Variants in SCYL2 observed in about 807,000 individuals in gnomAD.
SCYL2 encodes the protein SCY1-like protein 2.
In SCYL2, 36 loss-of-function variants were observed where a neutral mutation model predicts 100.4. The observed-to-expected ratio is 0.36, with a 90% CI of 0.27 to 0.47. The LOEUF is 0.47. Among genes scored for constraint, SCYL2 ranks in the 20% least tolerant of loss-of-function variants. The probability of loss-of-function intolerance (pLI) is 1.00; values close to 1 mark genes in which losing one functional copy is unlikely to be tolerated. For synonymous variants in SCYL2, 330 were observed against 359.2 expected (o/e 0.92, Z 0.92); for missense variants, 902 against 1,083.9 (o/e 0.83, Z 2.36).
chr12:100,287,651 A>G (rs1008104244), intron 2 of SCYL2, among the ~76,000 whole-genome samples: 5 of 152,300 alleles, frequency 3.3e-5, no homozygotes, highest in Admixed American at 3.3e-4. Context: ...GAATAAATAA[A>G]TAATAGGATA....
chr12:100,335,938 T>A, intron 16 of SCYL2, 32 bp downstream of exon 16: 1 of 1,519,824 alleles, frequency 6.6e-7, no homozygotes, highest in Non-Finnish European at 9.1e-7. Flanking sequence ...TCAGCCCTCT[T>A]ATTTTATGCT....
intron 17 of SCYL2, among the ~76,000 whole-genome samples, chr12:100,337,822 C>A (rs1717006037): frequency 6.6e-6 from 1 of 152,172 alleles, no homozygotes; most frequent in Admixed American, 6.5e-5. Context: ...TATTCATGCT[C>A]TTAACATATT....
intron 9 of SCYL2, among the ~76,000 whole-genome samples, chr12:100,316,879 AT>A (rs1354070762): frequency 2.0e-5 from 3 of 152,180 alleles, no homozygotes; most frequent in African/African-American, 4.8e-5. Flanking sequence ...AAGCAGGCAG[AT>A]TGCTTGAGCC....
At chr12:100,314,681 A>C in intron 8 of SCYL2, 67 bp downstream of exon 8, 2 of 1,366,914 alleles carry the variant, frequency 1.5e-6, no homozygotes, top group South Asian at 1.3e-5. Flanking sequence ...TTGACTTACT[A>C]CCATAACTCT....
chr12:100,289,355 G>A (rs2096307939), intron 2 of SCYL2, among the ~76,000 whole-genome samples: 1 of 152,116 alleles, frequency 6.6e-6, no homozygotes. Flanking sequence ...TAGTCCTGTG[G>A]ACTAACTGTT....
At chr12:100,330,786 A>G (rs181144454) in intron 13 of SCYL2, among the ~76,000 whole-genome samples, 3 of 151,678 alleles carry the variant, frequency 2.0e-5, no homozygotes, top group Admixed American at 2.0e-4. Flanking sequence ...TTGAAGTAAT[A>G]GGGTAAGCCT....
At chr12:100,293,563 G>A (rs1221929672) in intron 3 of SCYL2, among the ~76,000 whole-genome samples, 1 of 151,138 alleles carries the variant, frequency 6.6e-6, no homozygotes, top group Non-Finnish European at 1.5e-5. Context: ...TCATTCTTGG[G>A]TGTTTCTCAC....
chr12:100,313,411 C>G lies in SCYL2; in HGVS notation c.853-11C>G. On this transcript the variant is annotated splice_polypyrimidine_tract_variant and intron_variant, in intron 6 of 17. Transcript: ENST00000360820. Reference sequence around the variant, plus strand: ...TTTATACTCATTTAATGTTATCACTCTTTTGAATAGTTGAGTCGTTTAGGA... The same window carrying G: ...TTTATACTCATTTAATGTTATCACTGTTTTGAATAGTTGAGTCGTTTAGGA... 1.5e-6 allele frequency: 2 copies of G among 1,314,718 alleles called. No individual in the cohort carries two copies. The highest frequency in any genetic ancestry group is 2.2e-6 in the Non-Finnish European group (2 of 917,074). The allele number at this position is 1,314,718 out of a possible 1,614,324, so 81.4% of individuals were successfully genotyped here.
intron 4 of SCYL2, 104 bp downstream of exon 4, chr12:100,298,279 G>C: frequency 1.2e-6 from 1 of 837,518 alleles, no homozygotes; most frequent in Non-Finnish European, 1.7e-6. Context: ...GTAAACTTTT[G>C]GTTCTTGTTA....
At chr12:100,309,958 C>T (rs78183088) in intron 4 of SCYL2, among the ~76,000 whole-genome samples, 7 of 152,110 alleles carry the variant, frequency 4.6e-5, no homozygotes, top group Non-Finnish European at 7.4e-5. Flanking sequence ...TTAATTATCC[C>T]ATGGTATGTA....
Position 100,338,714 on chromosome 12 carries a change from G to T in SCYL2, c.2332G>T (p.Gly778Cys), listed in dbSNP as rs1435137619. 6.2e-7 allele frequency: 1 copy of T among 1,613,946 alleles called. No individual in the cohort carries two copies. Among genetic ancestry groups the T allele is most frequent in the Non-Finnish European group, 8.5e-7 (1 of 1,179,966 alleles). Residue 778 changes from glycine to cysteine, a missense_variant, in exon 18 of 18, where the codon GGC (glycine) becomes TGC (cysteine). Coordinates refer to ENST00000360820, the MANE Select transcript of SCYL2 (RefSeq NM_017988.6). ...NLTNGLNANM[G>C]FQTSGFNMPV... Reference sequence around the variant, plus strand: ...GACAAATGGCCTAAATGCCAATATGGGCTTTCAGACTTCAGGATTCAACAT... The same window carrying T: ...GACAAATGGCCTAAATGCCAATATGTGCTTTCAGACTTCAGGATTCAACAT...
At chr12:100,328,588 A>G (rs1279617219) in intron 12 of SCYL2, among the ~76,000 whole-genome samples, 1 of 152,244 alleles carries the variant, frequency 6.6e-6, no homozygotes. Flanking sequence ...CAAAACACTT[A>G]GAACTCAAAA....
At position 100,334,250 on chromosome 12, in the gene SCYL2, A is replaced by G. The variant is rs1469022906; in HGVS notation, c.1846A>G (p.Met616Val). Reference sequence around the variant, plus strand: ...GACTAAACTGGAGCAACTTCATATAATGCAAGAACAGCAGAAGTAAGTAGG... The same window carrying G: ...GACTAAACTGGAGCAACTTCATATAGTGCAAGAACAGCAGAAGTAAGTAGG... ...HKTKLEQLHIMQEQQKSLDIG... is the reference protein window; with the variant it reads ...HKTKLEQLHIVQEQQKSLDIG... The change falls in exon 14 of 18, where the codon ATG becomes GTG. Residue 616 changes from methionine (M) to valine (V), a missense_variant. Coordinates refer to ENST00000360820, the MANE Select transcript of SCYL2 (RefSeq NM_017988.6). 1.3e-6 allele frequency: 2 copies of G among 1,583,406 alleles called. No individual in the cohort carries two copies. The highest frequency in any genetic ancestry group is 2.2e-5 in the South Asian group (2 of 90,526).
At chr12:100,298,254 G>A in intron 4 of SCYL2, 79 bp downstream of exon 4, 1 of 1,037,982 alleles carries the variant, frequency 9.6e-7, no homozygotes. Flanking sequence ...TATTAACCAT[G>A]TAAAACTATT....
chr12:100,320,257 A>G (rs2096354094), intron 10 of SCYL2, among the ~76,000 whole-genome samples: 1 of 152,076 alleles, frequency 6.6e-6, no homozygotes. Flanking sequence ...TAAGTTCCTC[A>G]TCCCGGGCTG....
At chr12:100,302,886 A>T (rs577269190) in intron 4 of SCYL2, among the ~76,000 whole-genome samples, 51 of 152,154 alleles carry the variant, frequency 3.4e-4, no homozygotes, top group Non-Finnish European at 6.2e-4. Context: ...CTTCAGGTAC[A>T]CCAGTCAAAC....
intron 2 of SCYL2, among the ~76,000 whole-genome samples, chr12:100,284,372 G>T (rs1433299724): frequency 1.3e-5 from 2 of 152,066 alleles, no homozygotes; most frequent in African/African-American, 2.4e-5. Flanking sequence ...CTTTTTTTCT[G>T]TATTTATTGC....
chr12:100,282,911 A>T, intron 1 of SCYL2, 32 bp from the exon 2 acceptor site: 1 of 1,047,012 alleles, frequency 9.6e-7, no homozygotes, highest in Non-Finnish European at 1.4e-6. Context: ...ATAAGAAATG[A>T]TCAGTTCTCC....
At chr12:100,268,046 G>A (rs2096281492) in intron 1 of SCYL2, among the ~76,000 whole-genome samples, 1 of 152,142 alleles carries the variant, frequency 6.6e-6, no homozygotes, top group South Asian at 2.1e-4. Context: ...AAACTTATTG[G>A]ACTTTGAGCA....
Sources: gnomAD v4.1 joint callset for allele counts (sites outside exome capture counted in the v4.1 genomes callset) on GRCh38, gnomAD v4.1.1 for gene constraint, MANE v1.5 for transcripts, NCBI Gene and HGNC (gene_info 2026-07-23, HGNC 2026-07-21) for gene names.